ITSN1: variants seen among roughly 807,000 people sequenced by gnomAD.
ITSN1 encodes the protein intersectin-1.
In ITSN1, 58 loss-of-function variants were observed where a neutral mutation model predicts 239.8. The observed-to-expected ratio is 0.24, with a 90% CI of 0.20 to 0.30. The LOEUF is 0.30. Ranked by LOEUF, ITSN1 falls within the 10% of genes least tolerant of loss-of-function variation. ITSN1 has a pLI of 1.00. For synonymous variants in ITSN1, 780 were observed against 770.8 expected, an observed-to-expected ratio of 1.01 and a Z score of -0.20; for missense variants, 1,558 against 2,103.3, an observed-to-expected ratio of 0.74 and a Z score of 5.07.
At chr21:33,871,465 C>T (rs1246427405) in intron 33 of ITSN1, among the ~76,000 whole-genome samples, 1 of 151,110 alleles carries the variant, frequency 6.6e-6, no homozygotes, top group Admixed American at 6.6e-5. Context: ...ACAAAAAGGC[C>T]GGATGTGGTG....
At chr21:33,732,410 G>A (rs929881942) in intron 4 of ITSN1, among the ~76,000 whole-genome samples, 4 of 151,854 alleles carry the variant, frequency 2.6e-5, no homozygotes, top group Non-Finnish European at 5.9e-5. Context: ...TGAGATGAGG[G>A]GTCCATTCAG....
At chr21:33,702,219 G>A (rs892349828) in intron 1 of ITSN1, among the ~76,000 whole-genome samples, 2 of 24 alleles carry the variant, frequency 0.083, no homozygotes, top group Admixed American at 0.25. Context: ...AGGTTCAAGC[G>A]ATTCCCCTGC....
chr21:33,881,508 A>G lies in ITSN1; in HGVS notation c.4342-735A>G, dbSNP rs773354215. Among the ~76,000 whole-genome samples the G allele has an allele frequency of 3.3e-5, 5 of 151,876 alleles. 1 individual carries two copies. The highest frequency in any genetic ancestry group is 4.1e-4 in the South Asian group (2 of 4,820). ...GTGCCTTGGAAGGCAGCATTTGTCC[A>G]TGGAATTGGAGAGAGACGGGGGCTG... is the stretch of plus-strand genomic sequence containing the variant. On this transcript the variant is annotated intron_variant, in intron 34 of 39. Transcript: ENST00000381318.
intron 1 of ITSN1, among the ~76,000 whole-genome samples, chr21:33,656,763 C>T (rs4817591): frequency 0.74 from 113,035 of 152,156 alleles, 42,991 homozygotes; most frequent in East Asian, 0.98. Flanking sequence ...CAGGCTGGAG[C>T]GCAATCGTGC....
chr21:33,892,296 A>G lies in ITSN1; in HGVS notation c.*3996A>G, dbSNP rs1453059963. 18 of 152,224 alleles carry G rather than the reference A, an allele frequency of 1.2e-4. No homozygotes were observed. The highest frequency in any genetic ancestry group is 1.1e-3 in the Admixed American group (17 of 15,282). 9.4% of individuals were successfully genotyped at this position (152,224 alleles called of 1,614,324 possible). On this transcript the variant is annotated 3_prime_UTR_variant, in exon 40 of 40. Coordinates refer to ENST00000381318, the MANE Select transcript of ITSN1 (RefSeq NM_003024.3). ...AGACAGTATAGTCTGAGCCACCATA[A>G]GAGGCATTAGGGAAAACTAACACCT...
chr21:33,859,776 G>A (rs1395050724), intron 31 of ITSN1, among the ~76,000 whole-genome samples: 1 of 152,186 alleles, frequency 6.6e-6, no homozygotes, highest in Non-Finnish European at 1.5e-5. Context: ...TGGACATGAA[G>A]AAAGATACAT....
chr21:33,669,237 T>C (rs1331350861), intron 1 of ITSN1, among the ~76,000 whole-genome samples: 1 of 149,514 alleles, frequency 6.7e-6, no homozygotes, highest in Non-Finnish European at 1.5e-5. Flanking sequence ...TGTGCGCCAC[T>C]ATGCCTGGCT....
intron 1 of ITSN1, among the ~76,000 whole-genome samples, chr21:33,654,507 G>A (rs1046280591): frequency 1.3e-5 from 2 of 152,060 alleles, no homozygotes; most frequent in East Asian, 1.9e-4. Flanking sequence ...CCTTTGGAAT[G>A]TATATCTGAC....
chr21:33,833,102 C>G (rs903657508), intron 27 of ITSN1, among the ~76,000 whole-genome samples: 1 of 151,996 alleles, frequency 6.6e-6, no homozygotes, highest in African/African-American at 2.4e-5. Context: ...AAGCCCGACT[C>G]ATGATCCCTA....
chr21:33,809,282 GGTT>G (rs1310353427), intron 20 of ITSN1, among the ~76,000 whole-genome samples: 1 of 151,910 alleles, frequency 6.6e-6, no homozygotes, highest in African/African-American at 2.4e-5. Flanking sequence ...CTCCTTTTTT[GGTT>G]GTTTGGAGAA....
Position 33,897,560 on chromosome 21 carries a change from G to C in ITSN1, c.*9260G>C, listed in dbSNP as rs749867116. The C allele has an allele frequency of 1.3e-5, 2 of 152,194 alleles. No individual in the cohort carries two copies. Among genetic ancestry groups the C allele is most frequent in the Admixed American group, 6.5e-5 (1 of 15,280 alleles). 9.4% of individuals were successfully genotyped at this position (152,194 alleles called of 1,614,324 possible). On this transcript the variant is annotated 3_prime_UTR_variant, in exon 40 of 40. Coordinates refer to ENST00000381318, the MANE Select transcript of ITSN1 (RefSeq NM_003024.3). The stretch of plus-strand genomic sequence containing the variant: ...AGGGAAAAGGTTGTATTCATTTCAT[G>C]TTCCTCATGAAATCTCTGCTGTATG...
chr21:33,866,601 C>T (rs927171557), intron 32 of ITSN1, among the ~76,000 whole-genome samples: 3 of 152,150 alleles, frequency 2.0e-5, no homozygotes, highest in Non-Finnish European at 2.9e-5. Flanking sequence ...GAGCAGGTCC[C>T]GGTCCCTGGA....
chr21:33,780,164 C>G (rs1449247609), intron 14 of ITSN1, among the ~76,000 whole-genome samples: 1 of 152,118 alleles, frequency 6.6e-6, no homozygotes, highest in Non-Finnish European at 1.5e-5. Context: ...ATAAAATATT[C>G]TCCTGGAAAA....
At chr21:33,786,266 T>TA (rs201904422) in intron 16 of ITSN1, among the ~76,000 whole-genome samples, 1 of 152,254 alleles carries the variant, frequency 6.6e-6, no homozygotes, top group Non-Finnish European at 1.5e-5. Flanking sequence ...TTTCTGCTTT[T>TA]AAAATGTGTT....
chr21:33,765,386 G>A (rs567325697), intron 9 of ITSN1, among the ~76,000 whole-genome samples: 2 of 152,254 alleles, frequency 1.3e-5, no homozygotes, highest in Admixed American at 1.3e-4. Flanking sequence ...GTAATCTCAC[G>A]TTTGGGAGGC....
At chr21:33,833,922 ATT>A (rs2074450720) in intron 27 of ITSN1, among the ~76,000 whole-genome samples, 1 of 151,150 alleles carries the variant, frequency 6.6e-6, no homozygotes, top group African/African-American at 2.4e-5. Flanking sequence ...GGCCATTATT[ATT>A]ATTATTATTA....
At position 33,749,231 on chromosome 21, in the gene ITSN1, C is replaced by T. The variant is rs112395798; in HGVS notation, c.347-912C>T. On this transcript the variant is annotated intron_variant, in intron 5 of 39. Transcript: ENST00000381318. ...TTTTGGACTCCTGCCCTCAAGAGAT[C>T]TTCCTGCCTTGGCCTTCCAAAGTAG... Among the ~76,000 whole-genome samples the T allele has an allele frequency of 4.2e-3, 633 of 152,212 alleles. 8 individuals are homozygous for T. The highest frequency in any genetic ancestry group is 0.015 in the African/African-American group (610 of 41,534).
rs1430420641 is a variant in ITSN1 at position 33,705,419 on chromosome 21, G to A, written c.-32-13378G>A. ...TATTTGTTTTTTGAGACAGAGTCTC[G>A]CTCTATCACCCAGGCTGGAGTGCAG... On this transcript the variant is annotated intron_variant, in intron 1 of 39. Coordinates refer to ENST00000381318, the MANE Select transcript of ITSN1 (RefSeq NM_003024.3). Among the ~76,000 whole-genome samples, 9 of 151,894 alleles carry A rather than the reference G, an allele frequency of 5.9e-5. No individual in the cohort carries two copies. The South Asian group carries it at 6.2e-4, about 11-fold the overall frequency.
intron 4 of ITSN1, among the ~76,000 whole-genome samples, chr21:33,726,952 C>A (rs779162591): frequency 1.3e-5 from 2 of 152,138 alleles, no homozygotes; most frequent in Non-Finnish European, 2.9e-5. Context: ...TGTTAGAAAC[C>A]TTTATTATGT....
Sources: allele counts gnomAD v4.1 joint callset (sites outside exome capture counted in the v4.1 genomes callset), GRCh38; gene constraint gnomAD v4.1.1; transcripts MANE v1.5; gene names NCBI Gene and HGNC (gene_info 2026-07-23, HGNC 2026-07-21).